Variants in CYRIB observed in about 807,000 individuals in gnomAD.
CYRIB encodes CYFIP related Rac1 interactor B.
A neutral mutation model predicts 44.2 loss-of-function variants in CYRIB; 8 were observed. The ratio of observed to expected loss-of-function variants is 0.18; its 90% CI spans 0.11 to 0.33. CYRIB has a LOEUF of 0.33. Among genes scored for constraint, CYRIB ranks in the 10% least tolerant of loss-of-function variants. CYRIB has a pLI of 1.00. For synonymous variants in CYRIB, 131 were observed against 127.2 expected, an observed-to-expected ratio of 1.03 and a Z score of -0.20; for missense variants, 185 against 382.8, an observed-to-expected ratio of 0.48 and a Z score of 4.31.
chr8:129,849,407 T>C (rs1279536671), intron 9 of CYRIB, 38 bp from the exon 12 acceptor site: 1 of 1,563,346 alleles, frequency 6.4e-7, no homozygotes. Context: ...AGAAGTGCAT[T>C]ACAAAATTCT....
At chr8:129,889,024 A>G (rs1430794515) in intron 2 of CYRIB, among the ~76,000 whole-genome samples, 1 of 152,166 alleles carries the variant, frequency 6.6e-6, no homozygotes, top group Non-Finnish European at 1.5e-5. Flanking sequence ...AGTAGGAGGC[A>G]GAGGTTGCAG....
chr8:130,012,049 C>T (rs2134515173), intron 1 of CYRIB, among the ~76,000 whole-genome samples: 2 of 152,160 alleles, frequency 1.3e-5, no homozygotes, highest in Middle Eastern at 6.8e-3. Flanking sequence ...CCCCGCAATT[C>T]CTTTAATGAT....
chr8:129,972,881 G>A (rs934417915), intron 1 of CYRIB, among the ~76,000 whole-genome samples: 1 of 152,182 alleles, frequency 6.6e-6, no homozygotes, highest in African/African-American at 2.4e-5. Flanking sequence ...CCAAGCTATA[G>A]GCAGAAAGCC....
chr8:129,925,061 G>C (rs1252978645), intron 1 of CYRIB, among the ~76,000 whole-genome samples: 2 of 152,104 alleles, frequency 1.3e-5, no homozygotes. Flanking sequence ...CCTTGGGTGG[G>C]GCAATTATGT....
intron 1 of CYRIB, among the ~76,000 whole-genome samples, chr8:129,923,280 G>A (rs1423013829): frequency 1.4e-5 from 2 of 147,976 alleles, no homozygotes; most frequent in African/African-American, 2.5e-5. Flanking sequence ...ATTTATGTAT[G>A]TATGTATGTT....
chr8:129,871,277 A>G (rs1409715175), intron 4 of CYRIB, 98 bp downstream of exon 6: 5 of 1,349,830 alleles, frequency 3.7e-6, no homozygotes, highest in Non-Finnish European at 5.0e-6. Context: ...ATAATACTTA[A>G]TATGAAATAT....
chr8:130,004,099 T>C (rs1466789308), intron 1 of CYRIB, among the ~76,000 whole-genome samples: 1 of 152,206 alleles, frequency 6.6e-6, no homozygotes, highest in Non-Finnish European at 1.5e-5. Flanking sequence ...AGCAGACAAC[T>C]AGACATCCAG....
chr8:129,925,088 G>T (rs2086683611), intron 1 of CYRIB, among the ~76,000 whole-genome samples: 2 of 152,094 alleles, frequency 1.3e-5, no homozygotes, highest in Admixed American at 1.3e-4. Context: ...AGAGAGCTTA[G>T]ACACTTTCAT....
chr8:129,960,287 G>A, intron 2 of CYRIB, among the ~76,000 whole-genome samples: 1 of 152,166 alleles, frequency 6.6e-6, no homozygotes, highest in East Asian at 1.9e-4. Flanking sequence ...TAAAATAAAT[G>A]AATGAAATGA....
At chr8:130,009,560 G>A (rs559871126) in intron 1 of CYRIB, among the ~76,000 whole-genome samples, 33 of 152,188 alleles carry the variant, frequency 2.2e-4, no homozygotes, top group African/African-American at 7.5e-4. Context: ...GAGCCACTGC[G>A]CCCGGCCCAA....
chr8:129,990,494 ATGCG>A (rs1260372014), intron 1 of CYRIB, among the ~76,000 whole-genome samples: 1 of 125,070 alleles, frequency 8.0e-6, no homozygotes, highest in African/African-American at 3.4e-5. Flanking sequence ...GTGTGTGTGT[ATGCG>A]TGTGTGTGTG....
At chr8:129,854,847 G>A (rs1190018712) in intron 6 of CYRIB, among the ~76,000 whole-genome samples, 2 of 152,140 alleles carry the variant, frequency 1.3e-5, no homozygotes, top group East Asian at 3.9e-4. Flanking sequence ...CTGTGGCAGA[G>A]TATAAACTGG....
At chr8:129,955,460 G>A (rs1025647407) in intron 2 of CYRIB, among the ~76,000 whole-genome samples, 19 of 151,888 alleles carry the variant, frequency 1.3e-4, no homozygotes, top group African/African-American at 3.1e-4. Flanking sequence ...CCACGTTTCC[G>A]CACCAAACTC....
intron 2 of CYRIB, among the ~76,000 whole-genome samples, chr8:129,957,704 G>A (rs1024129329): frequency 3.9e-5 from 6 of 152,102 alleles, no homozygotes; most frequent in Admixed American, 6.6e-5. Flanking sequence ...GGTGGCACAT[G>A]CCTGTAATCC....
At chr8:129,857,708 A>G (rs542498499) in intron 5 of CYRIB, among the ~76,000 whole-genome samples, 1 of 152,352 alleles carries the variant, frequency 6.6e-6, no homozygotes, top group East Asian at 1.9e-4. Flanking sequence ...AGATCAATTA[A>G]AAGTCAAACA....
At chr8:129,887,378 AG>A (rs2063203246) in intron 2 of CYRIB, among the ~76,000 whole-genome samples, 1 of 152,216 alleles carries the variant, frequency 6.6e-6, no homozygotes, top group Admixed American at 6.5e-5. Flanking sequence ...TAGATTTCAG[AG>A]GATGTATGGA....
intron 11 of CYRIB, among the ~76,000 whole-genome samples, chr8:129,844,844 G>GA: frequency 6.6e-6 from 1 of 152,184 alleles, no homozygotes; most frequent in East Asian, 1.9e-4. Context: ...TTAAAGGCTA[G>GA]ATGGATTTCC....
At position 129,886,417 on chromosome 8, in the gene CYRIB, CCTT is replaced by C. The variant is rs532912144; in HGVS notation, c.-10-6949_-10-6947del. Among the ~76,000 whole-genome samples the C allele has an allele frequency of 7.6e-4, 116 of 152,280 alleles. 3 individuals are homozygous for C. The highest frequency in any genetic ancestry group is 2.3e-3 in the African/African-American group (95 of 41,544). On this transcript the variant is annotated intron_variant, in intron 2 of 11. Transcript: ENST00000519824. ...TACTTCAGTTTTTCTTTTTCAGTAC[CCTT>C]CTGTTTGGCATAAATACATTTATTT...
At chr8:129,990,247 C>T (rs2096595203) in intron 1 of CYRIB, among the ~76,000 whole-genome samples, 1 of 152,170 alleles carries the variant, frequency 6.6e-6, no homozygotes, top group Admixed American at 6.5e-5. Context: ...ATGTTTTATA[C>T]ATACAAACAT....
Sources: allele counts gnomAD v4.1 joint callset (sites outside exome capture counted in the v4.1 genomes callset), GRCh38; gene constraint gnomAD v4.1.1; transcripts MANE v1.5; gene names NCBI Gene and HGNC (gene_info 2026-07-23, HGNC 2026-07-21).